The following CYRIB variants were observed in gnomAD, a reference collection of about 807,000 sequenced individuals.
CYRIB encodes CYFIP related Rac1 interactor B, also known as CYFIP-related Rac1 interactor B.
A neutral mutation model predicts 44.2 loss-of-function variants in CYRIB; 8 were observed. The ratio of observed to expected loss-of-function variants is 0.18; its 90% CI spans 0.11 to 0.33. The LOEUF (loss-of-function observed/expected upper bound fraction) is 0.33. Among genes scored for constraint, CYRIB ranks in the 10% least tolerant of loss-of-function variants. The pLI, the probability that CYRIB is intolerant of heterozygous loss-of-function variation, is 1.00. For missense variants in CYRIB, 185 were observed against 382.8 expected (o/e 0.48, Z 4.31); for synonymous variants, 131 against 127.2 (o/e 1.03, Z -0.20).
rs868298913 is a variant in CYRIB at position 130,006,631 on chromosome 8, T to C, written c.-296+9739A>G. On this transcript the variant is annotated intron_variant, in intron 1 of 14. Coordinates refer to the CYRIB transcript ENST00000401979. The stretch of plus-strand genomic sequence containing the variant: ...ACATATATATGTGTATATATATACA[T>C]ATATATGTGTATATATATACATATA... Among the ~76,000 whole-genome samples the C allele has an allele frequency of 4.0e-3, 385 of 96,760 alleles. 7 individuals carry two copies. Among genetic ancestry groups the C allele is most frequent in the Middle Eastern group, 0.01 (2 of 192 alleles). The allele number at this position is 96,760 out of a possible 152,430, so 63.5% of individuals were successfully genotyped here. A position where few individuals can be genotyped will look rare whatever the true frequency, so the allele number is the denominator to read the frequency against.
chr8:130,015,964 G>C (rs568204929), intron 1 of CYRIB, among the ~76,000 whole-genome samples: 1 of 151,986 alleles, frequency 6.6e-6, no homozygotes, highest in Non-Finnish European at 1.5e-5. Context: ...CCCGGGGTCA[G>C]TCCCCGCACC....
chr8:129,882,326 T>C (rs1234985243), intron 2 of CYRIB, among the ~76,000 whole-genome samples: 2 of 152,238 alleles, frequency 1.3e-5, no homozygotes, highest in East Asian at 1.9e-4. Flanking sequence ...CAGGTAATTA[T>C]AGTAAATATC....
chr8:129,870,056 C>T (rs1437645907), intron 4 of CYRIB, among the ~76,000 whole-genome samples: 3 of 152,126 alleles, frequency 2.0e-5, no homozygotes, highest in African/African-American at 7.2e-5. Context: ...TGCATATCAA[C>T]AAACAGAATT....
intron 1 of CYRIB, among the ~76,000 whole-genome samples, chr8:129,982,554 CT>C (rs778341328): frequency 8.5e-5 from 13 of 152,222 alleles, no homozygotes; most frequent in Non-Finnish European, 1.3e-4. Context: ...CAAGTCCTGA[CT>C]CATTTACCAA....
At chr8:129,944,263 G>C (rs1174390953), upstream of CYRIB, among the ~76,000 whole-genome samples, 1 of 152,148 alleles carries the variant, frequency 6.6e-6, no homozygotes, top group Non-Finnish European at 1.5e-5. Flanking sequence ...GGGATAAGGA[G>C]AGCCTGCTCA....
In CYRIB at chr8:130,006,640, G is replaced by GTA. The variant is rs1194281985; in HGVS notation, c.-296+9728_-296+9729dup. Among the ~76,000 whole-genome samples, 3 of 41,682 alleles carry GTA rather than the reference G, an allele frequency of 7.2e-5. 1 individual carries two copies. The highest frequency in any genetic ancestry group is 6.1e-4 in the Admixed American group (2 of 3,278). 27.3% of individuals were successfully genotyped at this position (41,682 alleles called of 152,430 possible). On this transcript the variant is annotated intron_variant, in intron 1 of 14. Coordinates refer to the CYRIB transcript ENST00000401979. ...TGTGTATATATATACATATATATGT[G>GTA]TATATATATACATATATATATGTAT...
chr8:129,945,958 T>C (rs2094113527), intron 2 of CYRIB, among the ~76,000 whole-genome samples: 1 of 152,234 alleles, frequency 6.6e-6, no homozygotes, highest in Non-Finnish European at 1.5e-5. Flanking sequence ...ACTCACTTGA[T>C]CTTTGCTTCC....
intron 1 of CYRIB, among the ~76,000 whole-genome samples, chr8:130,003,350 C>A (rs775454332): frequency 2.0e-5 from 3 of 152,192 alleles, no homozygotes; most frequent in African/African-American, 7.2e-5. Flanking sequence ...GTTCAAGGCT[C>A]TGGACATCAA....
chr8:129,869,939 G>A (rs1214522555), intron 4 of CYRIB, among the ~76,000 whole-genome samples: 2 of 151,816 alleles, frequency 1.3e-5, no homozygotes, highest in Non-Finnish European at 2.9e-5. Context: ...TGTATAATGT[G>A]GGCAAAAGAG....
At chr8:129,920,631 G>A (rs750476229) in intron 1 of CYRIB, among the ~76,000 whole-genome samples, 36 of 152,044 alleles carry the variant, frequency 2.4e-4, no homozygotes, top group Non-Finnish European at 1.0e-4. Flanking sequence ...AGGTATTTCA[G>A]ACTGGAAAAG....
At chr8:129,859,584 T>TGTCACCGCTAGACAGC (rs1168359102) in intron 5 of CYRIB, among the ~76,000 whole-genome samples, 1 of 151,998 alleles carries the variant, frequency 6.6e-6, no homozygotes, top group African/African-American at 2.4e-5. Flanking sequence ...CAGACGCTGG[T>TGTCACCGCTAGACAGC]GTCACCGCTA....
intron 11 of CYRIB, among the ~76,000 whole-genome samples, chr8:129,844,661 T>C (rs761494671): frequency 3.9e-5 from 6 of 152,354 alleles, no homozygotes; most frequent in Middle Eastern, 3.4e-3. Context: ...AAGTTCTATA[T>C]AAATAATTAC....
intron 10 of CYRIB, among the ~76,000 whole-genome samples, chr8:129,847,631 T>G (rs1258940512): frequency 6.6e-6 from 1 of 152,172 alleles, no homozygotes; most frequent in Non-Finnish European, 1.5e-5. Flanking sequence ...CAGGATGAGT[T>G]ATACGAAGTG....
chr8:129,975,527 T>C (rs2095879952), intron 1 of CYRIB, among the ~76,000 whole-genome samples: 1 of 152,230 alleles, frequency 6.6e-6, no homozygotes, highest in Admixed American at 6.5e-5. Context: ...AAACTTTTAT[T>C]ATGCAAGTCA....
At chr8:129,880,340 A>C (rs2060431404) in intron 2 of CYRIB, 1 of 962,548 alleles carries the variant, frequency 1.0e-6, no homozygotes, top group East Asian at 1.1e-4. Context: ...CACCTTTACC[A>C]TTATGCACCA....
At chr8:129,845,211 C>T (rs1293036328) in intron 11 of CYRIB, among the ~76,000 whole-genome samples, 1 of 152,156 alleles carries the variant, frequency 6.6e-6, no homozygotes, top group Non-Finnish European at 1.5e-5. Flanking sequence ...GGCATACTAC[C>T]TTCAAGCTCA....
At chr8:129,880,063 C>T (rs1424418810) in intron 2 of CYRIB, among the ~76,000 whole-genome samples, 2 of 152,124 alleles carry the variant, frequency 1.3e-5, no homozygotes, top group East Asian at 1.9e-4. Flanking sequence ...AAAATTATTA[C>T]AGGATTATAA....
intron 1 of CYRIB, among the ~76,000 whole-genome samples, chr8:129,921,561 CCA>C (rs901225995): frequency 6.6e-6 from 1 of 152,148 alleles, no homozygotes; most frequent in Non-Finnish European, 1.5e-5. Flanking sequence ...GATCACACCA[CCA>C]CACTCAACTA....
At chr8:129,946,219 A>G (rs530117199) in intron 2 of CYRIB, among the ~76,000 whole-genome samples, 99 of 152,314 alleles carry the variant, frequency 6.5e-4, no homozygotes, top group African/African-American at 2.3e-3. Context: ...GTTATTGCCC[A>G]ATTGTCCTTA....
Sources: gnomAD v4.1 joint callset for allele counts (sites outside exome capture counted in the v4.1 genomes callset) on GRCh38, gnomAD v4.1.1 for gene constraint, MANE v1.5 for transcripts, NCBI Gene and HGNC (gene_info 2026-07-23, HGNC 2026-07-21) for gene names.